The following PPP2R3B variants were observed in gnomAD, a reference collection of about 807,000 sequenced individuals.
The protein encoded by PPP2R3B is serine/threonine-protein phosphatase 2A regulatory subunit B'' subunit beta.
A neutral mutation model predicts 72.9 loss-of-function variants in PPP2R3B; 68 were observed. The observed-to-expected ratio is 0.93, with a 90% CI of 0.77 to 1.14. PPP2R3B has a LOEUF of 1.14. Ranked by LOEUF, PPP2R3B falls within the 50% of genes most tolerant of loss-of-function variation. The probability of loss-of-function intolerance (pLI) is 0.00; values close to 1 mark genes in which losing one functional copy is unlikely to be tolerated. For synonymous variants in PPP2R3B, 466 were observed against 375.8 expected (o/e 1.24, Z -2.78); for missense variants, 1,018 against 842.0 (o/e 1.21, Z -2.59).
chrX:342,532 G>A (rs1192553439), intron 7 of PPP2R3B, among the ~76,000 whole-genome samples: 1 of 43,398 alleles, frequency 2.3e-5, no homozygotes, highest in Non-Finnish European at 4.2e-5. Context: ...CTCGCCAACG[G>A]GAGGCGGGAG....
intron 7 of PPP2R3B, among the ~76,000 whole-genome samples, chrX:344,678 C>A (rs1219685433): frequency 6.6e-6 from 1 of 152,220 alleles, no homozygotes; most frequent in African/African-American, 2.4e-5. Context: ...GTGCTCTCCT[C>A]GTGGCTAGTT....
At chrX:370,741 T>C (rs2071841731) in intron 1 of PPP2R3B, among the ~76,000 whole-genome samples, 1 of 151,678 alleles carries the variant, frequency 6.6e-6, no homozygotes, top group Admixed American at 6.6e-5. Flanking sequence ...GCTGCAAGGG[T>C]TTTGGTGACC....
chrX:338,862 C>T lies in PPP2R3B; in HGVS notation c.1386G>A (p.Lys462=), dbSNP rs777504275. The change falls in exon 11 of 13, where the codon AAG becomes AAA. Residue 462 remains lysine (K), a synonymous_variant. Transcript: ENST00000390665. ...KITLQDLKRC[K]LANVFFDTFF... ...AGGTGTCGAAGAAGACGTTAGCCAG[C>T]TTGCAGCGCTTCAGGTCCTGCAGCG... 6.2e-7 allele frequency: 1 copy of T among 1,612,336 alleles called. No homozygotes were observed. The highest frequency in any genetic ancestry group is 8.5e-7 in the Non-Finnish European group (1 of 1,179,704).
intron 1 of PPP2R3B, among the ~76,000 whole-genome samples, chrX:368,857 G>C (rs1432785430): frequency 1.2e-4 from 17 of 136,844 alleles, no homozygotes; most frequent in African/African-American, 2.8e-4. Context: ...GGCACCGACC[G>C]GGGGAAGGCC....
chrX:348,888 G>T (rs1291357891), intron 2 of PPP2R3B, among the ~76,000 whole-genome samples: 11 of 152,062 alleles, frequency 7.2e-5, no homozygotes, highest in Non-Finnish European at 1.5e-4. Context: ...AACGAGGGGC[G>T]TTTCCCAGTG....
chrX:347,500 C>T, intron 3 of PPP2R3B, 90 bp downstream of exon 3: 1 of 1,423,588 alleles, frequency 7.0e-7, no homozygotes, highest in Non-Finnish European at 9.7e-7. Context: ...CTCACTGCGG[C>T]AGCCTCAGGG....
At chrX:341,760 G>C in intron 8 of PPP2R3B, 123 bp downstream of exon 8, 1 of 1,080,206 alleles carries the variant, frequency 9.3e-7, no homozygotes, top group Non-Finnish European at 1.4e-6. Context: ...CCCCTCGCCA[G>C]GGCCTGGGGT....
chrX:373,692 CGGGCGCCGCGCTCTCGGGGCA>C (rs1248904572), intron 1 of PPP2R3B: 1 of 163,618 alleles, frequency 6.1e-6, no homozygotes, highest in Non-Finnish European at 1.3e-5. Context: ...CGGGCCGGGC[CGGGCGCCGCGCTCTCGGGGCA>C]GGGCCGGGCC....
chrX:348,152 T>C (rs1378589688), intron 2 of PPP2R3B, among the ~76,000 whole-genome samples: 1 of 151,892 alleles, frequency 6.6e-6, no homozygotes, highest in Non-Finnish European at 1.5e-5. Context: ...GGAAGGAAAG[T>C]TTAAAATCGA....
intron 1 of PPP2R3B, among the ~76,000 whole-genome samples, chrX:371,306 G>A (rs1254714841): frequency 2.6e-5 from 4 of 152,144 alleles, no homozygotes; most frequent in Non-Finnish European, 2.9e-5. Flanking sequence ...ACACGCCATC[G>A]TCACACGGGA....
At chrX:378,019 C>T (rs1377840501) in intron 1 of PPP2R3B, among the ~76,000 whole-genome samples, 1 of 152,108 alleles carries the variant, frequency 6.6e-6, no homozygotes, top group Non-Finnish European at 1.5e-5. Context: ...TGTACAGGGA[C>T]GGGCCGTCCA....
chrX:345,783 G>T, intron 6 of PPP2R3B, 111 bp from the exon 7 acceptor site: 1 of 1,143,244 alleles, frequency 8.7e-7, no homozygotes, highest in South Asian at 1.4e-5. Context: ...CGCTCCGTGG[G>T]TGGGGGGGAC....
intron 7 of PPP2R3B, chrX:344,948 A>C (rs2071164750): frequency 2.9e-6 from 1 of 349,068 alleles, no homozygotes; most frequent in Non-Finnish European, 5.6e-6. Context: ...CACTTAAAGG[A>C]ATCCTTTAGA....
rs760339625 is a variant in PPP2R3B at position 359,085 on chromosome X, G to A, written c.510+2320C>T. On this transcript the variant is annotated intron_variant, in intron 2 of 12. Coordinates refer to ENST00000390665, the MANE Select transcript of PPP2R3B (RefSeq NM_013239.5). ...CGCGAGCGGCTTTGTAGGACCCGAA[G>A]CGGACGCAGCGCGTGAGCTGCAAAA... is the stretch of plus-strand genomic sequence containing the variant. 1.2e-3 allele frequency among the ~76,000 whole-genome samples: 186 copies of A among 152,342 alleles called. 1 individual carries two copies. The highest frequency in any genetic ancestry group is 4.4e-3 in the African/African-American group (182 of 41,590).
At chrX:361,706 G>T in intron 1 of PPP2R3B, 116 bp from the exon 2 acceptor site, 1 of 1,184,584 alleles carries the variant, frequency 8.4e-7, no homozygotes, top group Non-Finnish European at 1.2e-6. Context: ...CCTGATCCCA[G>T]CCGGGAGAGG....
chrX:334,287 C>G lies in PPP2R3B; in HGVS notation c.*80G>C. 1.5e-6 allele frequency: 2 copies of G among 1,377,310 alleles called. No individual in the cohort carries two copies. The highest frequency in any genetic ancestry group is 1.9e-6 in the Non-Finnish European group (2 of 1,054,572). The allele number at this position is 1,377,310 out of a possible 1,614,324, so 85.3% of individuals were successfully genotyped here. On this transcript the variant is annotated 3_prime_UTR_variant, in exon 13 of 13. Coordinates refer to ENST00000390665, the MANE Select transcript of PPP2R3B (RefSeq NM_013239.5). Reference sequence around the variant, plus strand: ...TCCGTACAAACGCACTCATTTTCCACAACAGTTTTTACACGAGCCGCGGTG... The same window carrying G: ...TCCGTACAAACGCACTCATTTTCCAGAACAGTTTTTACACGAGCCGCGGTG...
chrX:347,266 G>C lies in PPP2R3B; in HGVS notation c.685C>G (p.Leu229Val). The C allele has an allele frequency of 6.2e-7, 1 of 1,613,794 alleles. No individual in the cohort carries two copies. Among genetic ancestry groups the C allele is most frequent in the Non-Finnish European group, 8.5e-7 (1 of 1,179,780 alleles). ...AAGGGGACAAAGTCCTCCTGCACCAGGTAGTTGCAGCCGGGGCTCATGAGC... is the reference window on the plus strand; with the variant it reads ...AAGGGGACAAAGTCCTCCTGCACCACGTAGTTGCAGCCGGGGCTCATGAGC... ...HLLMSPGCNY[L>V]VQEDFVPFLQ... Residue 229 changes from leucine (L) to valine (V), a missense_variant, in exon 4 of 13, where the codon CTG (leucine) becomes GTG (valine). By Grantham distance (32) the Leu-to-Val change is conservative (BLOSUM62 1). Transcript: ENST00000390665.
chrX:357,930 C>G (rs1379138347), intron 2 of PPP2R3B, among the ~76,000 whole-genome samples: 4 of 152,192 alleles, frequency 2.6e-5, no homozygotes. Context: ...GGAGAAGGCA[C>G]ACACGGACCT....
intron 1 of PPP2R3B, among the ~76,000 whole-genome samples, chrX:364,669 G>T: frequency 8.4e-6 from 1 of 119,130 alleles, no homozygotes; most frequent in African/African-American, 3.5e-5. Context: ...AGTGAGCTGA[G>T]ATCGCACCAC....
Sources: allele counts gnomAD v4.1 joint callset (sites outside exome capture counted in the v4.1 genomes callset), GRCh38; gene constraint gnomAD v4.1.1; transcripts MANE v1.5; gene names NCBI Gene and HGNC (gene_info 2026-07-23, HGNC 2026-07-21).